KDM4B: variants seen among roughly 807,000 people sequenced by gnomAD.
The protein encoded by KDM4B is lysine-specific demethylase 4B.
Under a neutral mutation model 125.2 loss-of-function variants are expected in KDM4B, and 32 were observed. The observed-to-expected ratio is 0.26, with a 90% CI of 0.19 to 0.34. KDM4B has a LOEUF of 0.34. Ranked by LOEUF, KDM4B falls within the 10% of genes least tolerant of loss-of-function variation. KDM4B has a pLI of 1.00. For synonymous variants in KDM4B, 721 were observed against 677.9 expected, an observed-to-expected ratio of 1.06 and a Z score of -0.99; for missense variants, 1,190 against 1,577.7, an observed-to-expected ratio of 0.75 and a Z score of 4.16.
At chr19:5,036,712 G>A (rs2036638142) in intron 3 of KDM4B, among the ~76,000 whole-genome samples, 1 of 152,270 alleles carries the variant, frequency 6.6e-6, no homozygotes, top group African/African-American at 2.4e-5. Flanking sequence ...AGGCCTGGAA[G>A]ACCCGAGTGT....
chr19:4,975,213 C>T (rs1157921107), intron 1 of KDM4B, among the ~76,000 whole-genome samples: 1 of 152,220 alleles, frequency 6.6e-6, no homozygotes, highest in Admixed American at 6.5e-5. Flanking sequence ...GAGGTCATCT[C>T]TGTCCAGACC....
At position 5,142,117 on chromosome 19, in the gene KDM4B, C is replaced by T. The variant is rs1376649743; in HGVS notation, c.2551-1850C>T. On this transcript the variant is annotated intron_variant, in intron 18 of 22. Transcript: ENST00000159111. This position sits in a 1 kb window ranked among gnomAD's most constrained non-coding sequence, Gnocchi z 5.4. ...CCTCCAGGCCGTGGTGCTCTGCAGACCTCTGAAGCCCACCCGCGTCGTCCT... is the reference window on the plus strand; with the variant it reads ...CCTCCAGGCCGTGGTGCTCTGCAGATCTCTGAAGCCCACCCGCGTCGTCCT... 6.6e-6 allele frequency among the ~76,000 whole-genome samples: 1 copy of T among 152,152 alleles called. No homozygotes were observed. The highest frequency in any genetic ancestry group is 2.4e-5 in the African/African-American group (1 of 41,438).
At chr19:5,123,859 C>T (rs1234014878) in intron 11 of KDM4B, among the ~76,000 whole-genome samples, 1 of 152,068 alleles carries the variant, frequency 6.6e-6, no homozygotes, top group Non-Finnish European at 1.5e-5. Flanking sequence ...CAGGCGAGGT[C>T]GGCAGGGGAG....
At chr19:4,998,298 G>A (rs147394148) in intron 1 of KDM4B, among the ~76,000 whole-genome samples, 3 of 152,300 alleles carry the variant, frequency 2.0e-5, no homozygotes, top group Non-Finnish European at 4.4e-5. Flanking sequence ...TCTGTCCTGG[G>A]TTTTCTTGGC....
chr19:4,995,177 C>T (rs1353968037), intron 1 of KDM4B, among the ~76,000 whole-genome samples: 2 of 152,166 alleles, frequency 1.3e-5, no homozygotes, highest in African/African-American at 4.8e-5. Flanking sequence ...TTGGGAAGGA[C>T]ACCAGCTCCC....
chr19:5,011,386 G>C (rs2035722686), intron 1 of KDM4B, among the ~76,000 whole-genome samples: 2 of 152,216 alleles, frequency 1.3e-5, no homozygotes, highest in African/African-American at 4.8e-5. Context: ...CTTTTCCAGA[G>C]CTCCTGAGTT....
chr19:5,072,309 C>T (rs890334006), intron 7 of KDM4B, among the ~76,000 whole-genome samples: 3 of 152,266 alleles, frequency 2.0e-5, no homozygotes, highest in South Asian at 2.1e-4. Context: ...GTTGCCCAAG[C>T]GCGGCAGATT....
chr19:5,058,735 CTT>C (rs1049329834), intron 6 of KDM4B, among the ~76,000 whole-genome samples: 3 of 152,326 alleles, frequency 2.0e-5, no homozygotes, highest in African/African-American at 7.2e-5. Context: ...ATTTTGGAGT[CTT>C]TTGTTCAAAG....
intron 2 of KDM4B, among the ~76,000 whole-genome samples, chr19:5,028,670 T>C (rs373387191): frequency 5.3e-5 from 8 of 152,232 alleles, no homozygotes; most frequent in African/African-American, 1.9e-4. Context: ...GCAGAGCAGC[T>C]GTCCCACGTC....
In KDM4B at chr19:5,039,952, C is replaced by T; in HGVS notation, c.258C>T (p.Tyr86=). The stretch of plus-strand genomic sequence containing the variant: ...GCCAGTCGGGCCTCTTCACGCAGTA[C>T]AATATCCAGAAGAAGGCCATGACAG... ...VTGQSGLFTQ[Y]NIQKKAMTVG... The change falls in exon 4 of 23, where the codon TAC becomes TAT. Residue 86 remains tyrosine (Y), a synonymous_variant. Coordinates refer to ENST00000159111, the MANE Select transcript of KDM4B (RefSeq NM_015015.3). 2 of 1,612,920 alleles carry T rather than the reference C, an allele frequency of 1.2e-6. No homozygotes were observed. Among genetic ancestry groups the T allele is most frequent in the Non-Finnish European group, 1.7e-6 (2 of 1,179,872 alleles).
At chr19:5,020,506 C>T (rs1001445629) in intron 2 of KDM4B, among the ~76,000 whole-genome samples, 1 of 152,180 alleles carries the variant, frequency 6.6e-6, no homozygotes, top group African/African-American at 2.4e-5. Context: ...ACCAGCCGTG[C>T]ATGAGGGCTG....
At chr19:5,123,871 G>C (rs1325307682) in intron 11 of KDM4B, among the ~76,000 whole-genome samples, 1 of 152,154 alleles carries the variant, frequency 6.6e-6, no homozygotes, top group African/African-American at 2.4e-5. Flanking sequence ...GCAGGGGAGT[G>C]GGGGATGGGC....
At chr19:5,014,440 C>G (rs963468353) in intron 1 of KDM4B, among the ~76,000 whole-genome samples, 44 of 152,092 alleles carry the variant, frequency 2.9e-4, no homozygotes, top group Admixed American at 1.3e-4. Flanking sequence ...CCACGCCTGG[C>G]TAATTTTTTG....
At chr19:5,137,365 G>T in intron 16 of KDM4B, 27 bp downstream of exon 16, 1 of 1,546,938 alleles carries the variant, frequency 6.5e-7, no homozygotes. Context: ...AGCGGGGGTG[G>T]TGCTCTGAGA....
In KDM4B at chr19:5,078,031, G is replaced by A; in HGVS notation, c.780+561G>A. The A allele has an allele frequency of 6.5e-6, 1 of 154,668 alleles. No individual in the cohort carries two copies. The highest frequency in any genetic ancestry group is 1.4e-5 in the Non-Finnish European group (1 of 69,712). The allele number at this position is 154,668 out of a possible 1,614,324, so 9.6% of individuals were successfully genotyped here. On this transcript the variant is annotated intron_variant, in intron 8 of 22. Coordinates refer to ENST00000159111, the MANE Select transcript of KDM4B (RefSeq NM_015015.3). The surrounding 1 kb of genome is among the most constrained non-coding windows in gnomAD (Gnocchi z 4.5). ...GCTGCTGGTGGAGGCTGTGATGGAG[G>A]AGACCTGAGGCCGGGGGGTGGGGCC...
At chr19:4,989,755 C>T (rs1401161549) in intron 1 of KDM4B, among the ~76,000 whole-genome samples, 1 of 151,940 alleles carries the variant, frequency 6.6e-6, no homozygotes, top group African/African-American at 2.4e-5. Flanking sequence ...TGGGTTCAAG[C>T]GATTCTCCTG....
intron 2 of KDM4B, among the ~76,000 whole-genome samples, chr19:5,031,361 GTCTAGTCTACATT>G (rs1335592718): frequency 6.6e-6 from 1 of 152,258 alleles, no homozygotes; most frequent in Non-Finnish European, 1.5e-5. Context: ...CACTGTGACC[GTCTAGTCTACATT>G]TCTAGGCTGC....
At chr19:5,129,977 A>C (rs1281006670) in intron 11 of KDM4B, among the ~76,000 whole-genome samples, 1 of 152,234 alleles carries the variant, frequency 6.6e-6, no homozygotes, top group South Asian at 2.1e-4. Flanking sequence ...CGCTGGGCTC[A>C]CATGGAGCTG....
At chr19:5,054,633 G>A (rs58728609) in intron 6 of KDM4B, among the ~76,000 whole-genome samples, 1 of 152,368 alleles carries the variant, frequency 6.6e-6, no homozygotes, top group East Asian at 1.9e-4. Context: ...GGGTAACTGA[G>A]AACTGGACTT....
Sources: allele counts gnomAD v4.1 joint callset (sites outside exome capture counted in the v4.1 genomes callset), GRCh38; gene constraint gnomAD v4.1.1; non-coding constraint Gnocchi (gnomAD v3.1); transcripts MANE v1.5; gene names NCBI Gene and HGNC (gene_info 2026-07-23, HGNC 2026-07-21).